The following MTMR8 variants were observed in gnomAD, a reference collection of about 807,000 sequenced individuals.
MTMR8 encodes the protein myotubularin related protein 8, also known as phosphatidylinositol-3,5-bisphosphate 3-phosphatase MTMR8.
In MTMR8, 65 loss-of-function variants were observed where a neutral mutation model predicts 39.3. The ratio of observed to expected loss-of-function variants is 1.65; its 90% CI spans 1.35 to 2.03. The LOEUF is 2.03. Among genes scored for constraint, MTMR8 ranks in the 30% most tolerant of loss-of-function variants. The pLI is 0.00. For missense variants in MTMR8, 777 were observed against 538.9 expected, an observed-to-expected ratio of 1.44 and a Z score of -4.37; for synonymous variants, 245 against 185.2, an observed-to-expected ratio of 1.32 and a Z score of -2.62.
intron 8 of MTMR8, among the ~76,000 whole-genome samples, chrX:64,341,479 CAAAAAAAAAAAAAAA>C (rs758580930): frequency 3.9e-5 from 1 of 25,547 alleles, no homozygotes; most frequent in Non-Finnish European, 7.4e-5. Context: ...AACTCTGTCT[CAAAAAAAAAAAAAAA>C]AAAAAAAAAG....
At chrX:64,383,267 G>C (rs1411811446) in intron 1 of MTMR8, among the ~76,000 whole-genome samples, 1 of 109,869 alleles carries the variant, frequency 9.1e-6, no homozygotes, top group East Asian at 2.8e-4. Context: ...TTCCAGCATA[G>C]AGCCATCCTT....
chrX:64,284,025 C>CGTA (rs1921058764), intron 12 of MTMR8, among the ~76,000 whole-genome samples: 2 of 111,813 alleles, frequency 1.8e-5, no homozygotes, highest in African/African-American at 6.5e-5. Flanking sequence ...CAAACTACTA[C>CGTA]CAGCTAAAGG....
intron 12 of MTMR8, among the ~76,000 whole-genome samples, chrX:64,312,318 G>A (rs1485583497): frequency 9.0e-6 from 1 of 111,539 alleles, no homozygotes; most frequent in South Asian, 3.8e-4. Flanking sequence ...TGTTATTGGT[G>A]TATAGGAATC....
chrX:64,329,475 G>A (rs754251492), intron 11 of MTMR8, among the ~76,000 whole-genome samples: 2 of 111,396 alleles, frequency 1.8e-5, no homozygotes, highest in South Asian at 7.5e-4. Flanking sequence ...GTTATCCCAG[G>A]TGGGCAACTA....
chrX:64,369,054 C>A (rs1466451891), intron 1 of MTMR8, among the ~76,000 whole-genome samples: 8 of 111,951 alleles, frequency 7.1e-5, no homozygotes, highest in Non-Finnish European at 1.5e-4. Context: ...TCGTTTTAAA[C>A]CACAATGAGA....
chrX:64,358,498 C>A (rs985732603), intron 2 of MTMR8, among the ~76,000 whole-genome samples: 1 of 111,620 alleles, frequency 9.0e-6, no homozygotes, highest in African/African-American at 3.3e-5. Context: ...CTTTTTAAAA[C>A]TAATTCAAGG....
At chrX:64,328,429 G>T (rs757377564) in intron 12 of MTMR8, among the ~76,000 whole-genome samples, 1 of 111,519 alleles carries the variant, frequency 9.0e-6, no homozygotes, top group African/African-American at 3.3e-5. Context: ...GCACACTCCT[G>T]ATTTGTCTCA....
chrX:64,339,373 C>T (rs769846993), intron 8 of MTMR8, among the ~76,000 whole-genome samples: 68 of 111,254 alleles, frequency 6.1e-4, no homozygotes, highest in African/African-American at 2.2e-3. Flanking sequence ...CTGTGCCAAA[C>T]ACAACAGAGA....
chrX:64,302,085 T>G (rs748876730), intron 12 of MTMR8, among the ~76,000 whole-genome samples: 420 of 112,926 alleles, frequency 3.7e-3, no homozygotes, highest in Non-Finnish European at 5.6e-3. Flanking sequence ...GAGCTGTGGT[T>G]GGCTCCACCC....
At chrX:64,303,510 G>A (rs1024275668) in intron 12 of MTMR8, among the ~76,000 whole-genome samples, 1 of 111,945 alleles carries the variant, frequency 8.9e-6, no homozygotes, top group Admixed American at 9.5e-5. Context: ...GGCTATTGGT[G>A]GTTAACGTGA....
At chrX:64,286,162 G>A (rs1921165880) in intron 12 of MTMR8, among the ~76,000 whole-genome samples, 1 of 111,856 alleles carries the variant, frequency 8.9e-6, no homozygotes, top group African/African-American at 3.2e-5. Flanking sequence ...TGTTCCCACA[G>A]AAATATAAAC....
intron 6 of MTMR8, among the ~76,000 whole-genome samples, chrX:64,345,427 G>T (rs1159336402): frequency 3.6e-5 from 4 of 112,003 alleles, no homozygotes; most frequent in Non-Finnish European, 7.5e-5. Flanking sequence ...CCTTTCTTAA[G>T]AGAGAAAAGT....
intron 4 of MTMR8, among the ~76,000 whole-genome samples, chrX:64,351,947 C>T (rs984172766): frequency 1.8e-5 from 2 of 111,178 alleles, no homozygotes; most frequent in Non-Finnish European, 3.8e-5. Context: ...CCTCTAGTAA[C>T]AGCCTCACAG....
In MTMR8 at chrX:64,344,371, C is replaced by T. The variant is rs369778735; in HGVS notation, c.866-651G>A. Among the ~76,000 whole-genome samples, 458 of 111,165 alleles carry T rather than the reference C, an allele frequency of 4.1e-3. 5 individuals carry two copies. The highest frequency in any genetic ancestry group is 6.5e-3 in the Non-Finnish European group (342 of 52,975). On this transcript the variant is annotated intron_variant, in intron 7 of 13. Coordinates refer to ENST00000374852, the MANE Select transcript of MTMR8 (RefSeq NM_017677.4). ...GTAAAGGAGAGGTCATGGCAGACTACGCAAGTACAAAGTTGAAGAAAGAAG... is the reference window on the plus strand; with the variant it reads ...GTAAAGGAGAGGTCATGGCAGACTATGCAAGTACAAAGTTGAAGAAAGAAG...
chrX:64,304,181 G>C (rs1025271646), intron 12 of MTMR8, among the ~76,000 whole-genome samples: 1 of 112,039 alleles, frequency 8.9e-6, no homozygotes, highest in Non-Finnish European at 1.9e-5. Context: ...TTACAGGGGC[G>C]GGGAGGAAAA....
intron 12 of MTMR8, among the ~76,000 whole-genome samples, chrX:64,283,353 C>A (rs189721569): frequency 8.9e-6 from 1 of 112,213 alleles, no homozygotes; most frequent in Non-Finnish European, 1.9e-5. Flanking sequence ...GAGCGCACTG[C>A]AGCTCAAGGA....
At chrX:64,302,140 C>A (rs1377118577) in intron 12 of MTMR8, among the ~76,000 whole-genome samples, 1 of 112,803 alleles carries the variant, frequency 8.9e-6, no homozygotes, top group Non-Finnish European at 1.9e-5. Flanking sequence ...CAAGCCTGGG[C>A]AATGGCGGGC....
At chrX:64,302,515 T>A (rs1180662805) in intron 12 of MTMR8, among the ~76,000 whole-genome samples, 1 of 111,771 alleles carries the variant, frequency 8.9e-6, no homozygotes, top group African/African-American at 3.3e-5. Flanking sequence ...AATGCAGAAA[T>A]CACCCGTCTT....
At chrX:64,334,362 T>C (rs1320275402) in intron 10 of MTMR8, among the ~76,000 whole-genome samples, 1 of 109,925 alleles carries the variant, frequency 9.1e-6, no homozygotes, top group African/African-American at 3.3e-5. Flanking sequence ...TGAATACCCT[T>C]GTATCTATAT....
Sources: gnomAD v4.1 joint callset for allele counts (sites outside exome capture counted in the v4.1 genomes callset) on GRCh38, gnomAD v4.1.1 for gene constraint, MANE v1.5 for transcripts, NCBI Gene and HGNC (gene_info 2026-07-23, HGNC 2026-07-21) for gene names.